The following WDR90 variants were observed in gnomAD, a reference collection of about 807,000 sequenced individuals.
WDR90 encodes WD repeat-containing protein 90.
In WDR90, 238 loss-of-function variants were observed where a neutral mutation model predicts 195.2. That is an observed-to-expected ratio of 1.22 (90% CI 1.10 to 1.36). The LOEUF (loss-of-function observed/expected upper bound fraction) is 1.36. Ranked by LOEUF, WDR90 falls within the 40% of genes most tolerant of loss-of-function variation. WDR90 has a pLI of 0.00. For missense variants in WDR90, 2,734 were observed against 2,439.5 expected, an observed-to-expected ratio of 1.12 and a Z score of -2.54; for synonymous variants, 1,265 against 1,052.4, an observed-to-expected ratio of 1.20 and a Z score of -3.91.
chr16:661,465 G>A lies in WDR90; in HGVS notation c.3637G>A (p.Ala1213Thr). Residue 1213 changes from alanine (A) to threonine (T), a missense_variant, in exon 30 of 41, where the codon GCC becomes ACC. Coordinates refer to ENST00000293879, the MANE Select transcript of WDR90 (RefSeq NM_145294.5). Reference sequence around the variant, plus strand: ...CCATAGCACCACCGTGCTGGCCCTGGCCTTCTCACCAGATGACAGGCTTCT... The same window carrying A: ...CCATAGCACCACCGTGCTGGCCCTGACCTTCTCACCAGATGACAGGCTTCT... ...FPHSTTVLAL[A>T]FSPDDRLLVT... 1 of 1,611,276 alleles carries A rather than the reference G, an allele frequency of 6.2e-7. No individual in the cohort carries two copies. Among genetic ancestry groups the A allele is most frequent in the African/African-American group, 1.3e-5 (1 of 75,024 alleles).
Position 666,286 on chromosome 16 carries a change from C to A in WDR90, c.4676C>A (p.Thr1559Asn), listed in dbSNP as rs769918413. Residue 1559 changes from threonine (T) to asparagine (N), a missense_variant, in exon 37 of 41, where the codon ACC becomes AAC. Physicochemically the swap from Thr to Asn is moderately conservative, Grantham distance 65 (BLOSUM62 0). Transcript: ENST00000293879. ...GTGAGCCACCCCTGCACAGGGACAA[C>A]CTTCCGTGTGCTGAGTGACCACCAG... Reference protein sequence around the residue: ...VAVSHPCTGTTFRVLSDHQGA... With the variant: ...VAVSHPCTGTNFRVLSDHQGA... 1 of 1,612,746 alleles carries A rather than the reference C, an allele frequency of 6.2e-7. No individual in the cohort carries two copies. The highest frequency in any genetic ancestry group is 1.1e-5 in the South Asian group (1 of 91,090).
At position 656,907 on chromosome 16, in the gene WDR90, C is replaced by A. The variant is rs748619554; in HGVS notation, c.2342+36C>A. 2.5e-6 allele frequency: 4 copies of A among 1,601,302 alleles called. No individual in the cohort carries two copies. The Admixed American group carries it at 6.8e-5, about 27-fold the overall frequency. ...AGCTGGCCACCAGCCCCACGGAGAC[C>A]CCACGGTGGAAGCTGGGGTGGCCAG... On this transcript the variant is annotated intron_variant, in intron 19 of 40. Transcript: ENST00000293879.
rs766561220 is a variant in WDR90, at chr16:662,957, C to T, written c.4311+113C>T. On this transcript the variant is annotated intron_variant, in intron 34 of 40. Coordinates refer to ENST00000293879, the MANE Select transcript of WDR90 (RefSeq NM_145294.5). ...ATTCCAAGTCCTGCCGTCACTGGCT[C>T]GCAGCGGCCGCCTTGGGGTTCCCAG... 7.0e-5 allele frequency: 102 copies of T among 1,462,980 alleles called. 1 individual carries two copies. In the Admixed American group the frequency reaches 1.4e-3, roughly 20 times the overall value. The allele number at this position is 1,462,980 out of a possible 1,614,324, so 90.6% of individuals were successfully genotyped here. A position where few individuals can be genotyped will look rare whatever the true frequency, so the allele number is the denominator to read the frequency against.
In WDR90 at chr16:662,233, C is replaced by G; in HGVS notation, c.4047C>G (p.Phe1349Leu). The change falls in exon 33 of 41, where the codon TTC (phenylalanine) becomes TTG (leucine). Residue 1349 changes from phenylalanine to leucine, a missense_variant. Physicochemically the swap from Phe to Leu is conservative, Grantham distance 22 (BLOSUM62 0). Coordinates refer to ENST00000293879, the MANE Select transcript of WDR90 (RefSeq NM_145294.5). ...ADDGGIGLLL[F>L]SGSRLVSGSS... ...TCCTGCCCCTAGGGCTGTTGCTGTT[C>G]TCGGGTTCTCGATTGGTCAGCGGCA... is the stretch of plus-strand genomic sequence containing the variant. 1 of 1,573,284 alleles carries G rather than the reference C, an allele frequency of 6.4e-7. No homozygotes were observed.
chr16:651,905 G>A lies in WDR90; in HGVS notation c.919G>A (p.Asp307Asn). 6.2e-7 allele frequency: 1 copy of A among 1,611,040 alleles called. No individual in the cohort carries two copies. The highest frequency in any genetic ancestry group is 1.1e-5 in the South Asian group (1 of 90,916). The change falls in exon 9 of 41, where the codon GAT becomes AAT. Residue 307 changes from aspartate to asparagine, a missense_variant. Physicochemically the swap from Asp to Asn is conservative, Grantham distance 23. Transcript: ENST00000293879. The part of the protein sequence containing the change: ...SQERSDASNA[D>N]GPGFHSLEPW... The stretch of plus-strand genomic sequence containing the variant: ...AGAGCGCTCAGACGCCTCCAACGCG[G>A]ATGGCCCCGGTTTCCATAGCCTTGA...
chr16:652,964 G>A (rs922169061), intron 10 of WDR90, among the ~76,000 whole-genome samples: 1 of 152,228 alleles, frequency 6.6e-6, no homozygotes, highest in Non-Finnish European at 1.5e-5. Context: ...CTCTGCCTCA[G>A]TGGCCTTGGG....
intron 34 of WDR90, chr16:663,380 G>C (rs1300761712): frequency 7.2e-6 from 2 of 278,890 alleles, no homozygotes; most frequent in Non-Finnish European, 1.4e-5. Flanking sequence ...AGAGGTTGCA[G>C]TGAACCAAGA....
At position 665,978 on chromosome 16, in the gene WDR90, C is replaced by A; in HGVS notation, c.4463C>A (p.Pro1488Gln). The change falls in exon 36 of 41, where the codon CCG becomes CAG. Residue 1488 changes from proline (P) to glutamine (Q), a missense_variant. Coordinates refer to ENST00000293879, the MANE Select transcript of WDR90 (RefSeq NM_145294.5). ...QSCLCLAWSP[P>Q]CCGRPEQQRL... ...TGCCTCTGCCTGGCATGGAGCCCCC[C>A]GTGCTGTGGCCGCCCTGAGCAGCAG... 3 of 1,600,702 alleles carry A rather than the reference C, an allele frequency of 1.9e-6. No individual in the cohort carries two copies. Among genetic ancestry groups the A allele is most frequent in the Middle Eastern group, 1.7e-4 (1 of 6,010 alleles).
chr16:663,387 A>G (rs988630407), intron 34 of WDR90: 3 of 265,240 alleles, frequency 1.1e-5, no homozygotes, highest in African/African-American at 4.6e-5. Flanking sequence ...GCAGTGAACC[A>G]AGATTGCACC....
At chr16:657,321 C>T in intron 20 of WDR90, 100 bp downstream of exon 20, 1 of 1,432,614 alleles carries the variant, frequency 7.0e-7, no homozygotes, top group Non-Finnish European at 9.2e-7. Flanking sequence ...TTTCCTGGTG[C>T]ACCGACTGGG....
chr16:664,401 C>G (rs530320917), intron 34 of WDR90, among the ~76,000 whole-genome samples: 1 of 152,198 alleles, frequency 6.6e-6, no homozygotes. Context: ...CTCTTGATGG[C>G]CAAATACTGT....
intron 28 of WDR90, 65 bp downstream of exon 28, chr16:660,779 C>A (rs891411170): frequency 2.7e-6 from 4 of 1,485,696 alleles, no homozygotes; most frequent in Non-Finnish European, 2.7e-6. Context: ...CAGCCGTCTC[C>A]ACCCCAAGGC....
intron 33 of WDR90, 59 bp from the exon 34 acceptor site, chr16:662,620 G>A (rs1484571012): frequency 1.9e-5 from 29 of 1,511,666 alleles, no homozygotes; most frequent in African/African-American, 2.8e-5. Context: ...GACCCAGCTG[G>A]CTCTTGTCAT....
intron 23 of WDR90, 96 bp downstream of exon 23, chr16:658,749 G>A: frequency 3.2e-6 from 5 of 1,558,614 alleles, no homozygotes; most frequent in Non-Finnish European, 4.4e-6. Flanking sequence ...AGGGAGAGCA[G>A]AAGGTGAGGG....
Position 655,834 on chromosome 16 carries a change from G to A in WDR90, c.1911G>A (p.Glu637=). 1 of 1,599,194 alleles carries A rather than the reference G, an allele frequency of 6.3e-7. No homozygotes were observed. The highest frequency in any genetic ancestry group is 1.3e-5 in the African/African-American group (1 of 74,914). ...CGGCCATGTGTGCTGTGGGCTCTGAGGACGGCTTCTTGCGGCTCTGGCCCC... is the reference window on the plus strand; with the variant it reads ...CGGCCATGTGTGCTGTGGGCTCTGAAGACGGCTTCTTGCGGCTCTGGCCCC... ...VSPAMCAVGS[E]DGFLRLWPLD... The change falls in exon 17 of 41, where the codon GAG becomes GAA. Residue 637 remains glutamate (E), a synonymous_variant. Coordinates refer to ENST00000293879, the MANE Select transcript of WDR90 (RefSeq NM_145294.5).
chr16:657,865 A>T lies in WDR90; in HGVS notation c.2577A>T (p.Thr859=). The change falls in exon 21 of 41, where the codon ACA becomes ACT. Residue 859 remains threonine, a synonymous_variant. Coordinates refer to ENST00000293879, the MANE Select transcript of WDR90 (RefSeq NM_145294.5). ...TGGGACCCTCCAGGTGCACAGTGAC[A>T]GTCATGGGCTCGGCCTCCCTTGATG... ...AFVGPSRCTV[T]VMGSASLDEL... 1.3e-6 allele frequency: 2 copies of T among 1,588,332 alleles called. No homozygotes were observed. Among genetic ancestry groups the T allele is most frequent in the Non-Finnish European group, 1.7e-6 (2 of 1,167,592 alleles).
rs140385786 is a variant in WDR90, at chr16:664,258, G to A, written c.4311+1414G>A. Among the ~76,000 whole-genome samples, 6 of 152,258 alleles carry A rather than the reference G, an allele frequency of 3.9e-5. No homozygotes were observed. In the East Asian group the frequency reaches 7.7e-4, roughly 20 times the overall value. On this transcript the variant is annotated intron_variant, in intron 34 of 40. Transcript: ENST00000293879. ...GCTTCCCGCCTCCCCAGCCCCTGGCGACCGTTGAGTGGCTTTCTGTGTCTG... is the reference window on the plus strand; with the variant it reads ...GCTTCCCGCCTCCCCAGCCCCTGGCAACCGTTGAGTGGCTTTCTGTGTCTG...
Position 662,349 on chromosome 16 carries a change from A to C in WDR90, c.4145+18A>C. 1 of 1,548,968 alleles carries C rather than the reference A, an allele frequency of 6.5e-7. No individual in the cohort carries two copies. The highest frequency in any genetic ancestry group is 8.7e-7 in the Non-Finnish European group (1 of 1,148,752). ...GGCGCCAGGTGAGCTGTTCACCCCTACGTGTTTTGGCTGCACGTGGGTGTT... is the reference window on the plus strand; with the variant it reads ...GGCGCCAGGTGAGCTGTTCACCCCTCCGTGTTTTGGCTGCACGTGGGTGTT... On this transcript the variant is annotated intron_variant, in intron 33 of 40. Coordinates refer to ENST00000293879, the MANE Select transcript of WDR90 (RefSeq NM_145294.5).
rs1381568066 is a variant in WDR90, at chr16:666,257, G to T, written c.4647G>T (p.Val1549=). ...TVLSGDKDGL[V]AVSHPCTGTT... Reference sequence around the variant, plus strand: ...TCTCTGGAGACAAGGATGGGCTCGTGGCTGTGAGCCACCCCTGCACAGGGA... The same window carrying T: ...TCTCTGGAGACAAGGATGGGCTCGTTGCTGTGAGCCACCCCTGCACAGGGA... The change falls in exon 37 of 41, where the codon GTG becomes GTT. Residue 1549 remains valine, a synonymous_variant. Transcript: ENST00000293879. 1 of 1,612,710 alleles carries T rather than the reference G, an allele frequency of 6.2e-7. No individual in the cohort carries two copies.
Sources: allele counts gnomAD v4.1 joint callset (sites outside exome capture counted in the v4.1 genomes callset), GRCh38; gene constraint gnomAD v4.1.1; transcripts MANE v1.5; gene names NCBI Gene and HGNC (gene_info 2026-07-23, HGNC 2026-07-21).